Variants in NUBPL observed in about 807,000 individuals in gnomAD.
NUBPL encodes the protein NUBP iron-sulfur cluster assembly factor, mitochondrial, also known as iron-sulfur cluster transfer protein NUBPL.
Under a neutral mutation model 45.7 loss-of-function variants are expected in NUBPL, and 31 were observed. The observed-to-expected ratio is 0.68, with a 90% CI of 0.51 to 0.92. NUBPL has a LOEUF of 0.92. Among genes scored for constraint, NUBPL ranks in the 40% least tolerant of loss-of-function variants. The pLI, the probability that NUBPL is intolerant of heterozygous loss-of-function variation, is 0.00. For synonymous variants in NUBPL, 144 were observed against 140.9 expected (o/e 1.02, Z -0.15); for missense variants, 401 against 398.7 (o/e 1.01, Z -0.05).
At chr14:31,676,010 A>T (rs2036686291) in intron 6 of NUBPL, among the ~76,000 whole-genome samples, 1 of 151,120 alleles carries the variant, frequency 6.6e-6, no homozygotes, top group Admixed American at 6.6e-5. Flanking sequence ...AATGAATAGG[A>T]TTATACAGGA....
chr14:31,840,464 C>G (rs558963461), intron 8 of NUBPL, among the ~76,000 whole-genome samples: 1 of 151,858 alleles, frequency 6.6e-6, no homozygotes, highest in Admixed American at 6.6e-5. Flanking sequence ...GTCCCACCTA[C>G]TGGGGAGGCG....
intron 4 of NUBPL, among the ~76,000 whole-genome samples, chr14:31,609,444 A>C (rs2139594682): frequency 6.6e-6 from 1 of 152,336 alleles, no homozygotes; most frequent in African/African-American, 2.4e-5. Flanking sequence ...TATCAGAGCT[A>C]AAGAAAGAGA....
chr14:31,781,518 G>T (rs1475321572), intron 6 of NUBPL, among the ~76,000 whole-genome samples: 2 of 152,192 alleles, frequency 1.3e-5, no homozygotes, highest in Non-Finnish European at 2.9e-5. Context: ...GGCAGAAAGA[G>T]AAACTTATTT....
chr14:31,834,194 T>G (rs1323424795), intron 8 of NUBPL, among the ~76,000 whole-genome samples: 1 of 147,226 alleles, frequency 6.8e-6, no homozygotes, highest in Non-Finnish European at 1.5e-5. Context: ...TTTTTTTTTT[T>G]TTTTTGAGAC....
intron 6 of NUBPL, among the ~76,000 whole-genome samples, chr14:31,746,422 C>T (rs973118504): frequency 2.6e-5 from 4 of 151,872 alleles, no homozygotes; most frequent in African/African-American, 9.7e-5. Context: ...TTGTTAAATG[C>T]TTTTTCTGTA....
At chr14:31,697,346 A>G (rs1365379310) in intron 6 of NUBPL, among the ~76,000 whole-genome samples, 1 of 152,244 alleles carries the variant, frequency 6.6e-6, no homozygotes, top group Non-Finnish European at 1.5e-5. Flanking sequence ...AGGGGAATGA[A>G]AGATATCAGA....
intron 4 of NUBPL, among the ~76,000 whole-genome samples, chr14:31,625,489 T>C (rs1320614553): frequency 6.6e-6 from 1 of 151,330 alleles, no homozygotes; most frequent in African/African-American, 2.4e-5. Flanking sequence ...TTTTTTTTTT[T>C]TTTGAGAGGG....
intron 6 of NUBPL, among the ~76,000 whole-genome samples, chr14:31,749,472 T>C (rs951115498): frequency 3.9e-5 from 6 of 152,158 alleles, no homozygotes; most frequent in African/African-American, 1.4e-4. Context: ...CTGGGTATAG[T>C]ATTCTTGTTT....
intron 6 of NUBPL, among the ~76,000 whole-genome samples, chr14:31,687,298 A>G (rs2036975924): frequency 6.6e-6 from 1 of 152,248 alleles, no homozygotes; most frequent in African/African-American, 2.4e-5. Context: ...TCTTAGAAAT[A>G]TCAAAAAATT....
chr14:31,733,135 T>C (rs1234877298), intron 6 of NUBPL, among the ~76,000 whole-genome samples: 1 of 152,184 alleles, frequency 6.6e-6, no homozygotes, highest in African/African-American at 2.4e-5. Flanking sequence ...TTTTCCCCCA[T>C]TTAATTGACT....
At chr14:31,855,041 A>C (rs555233726) in intron 10 of NUBPL, among the ~76,000 whole-genome samples, 2 of 152,284 alleles carry the variant, frequency 1.3e-5, no homozygotes, top group East Asian at 3.9e-4. Context: ...AGCCAATTTG[A>C]TTGTTCTGGA....
intron 6 of NUBPL, among the ~76,000 whole-genome samples, chr14:31,743,651 A>G (rs2038333797): frequency 1.3e-5 from 2 of 152,130 alleles, no homozygotes; most frequent in Non-Finnish European, 2.9e-5. Context: ...AAGTGCTGGG[A>G]TTAGAGGAGT....
At chr14:31,640,550 G>A (rs1157057682) in intron 4 of NUBPL, among the ~76,000 whole-genome samples, 2 of 150,372 alleles carry the variant, frequency 1.3e-5, no homozygotes, top group African/African-American at 2.5e-5. Context: ...GGGAGGTGGA[G>A]GTTGCAGTGA....
chr14:31,779,167 C>T (rs773760569), intron 6 of NUBPL, among the ~76,000 whole-genome samples: 1 of 151,700 alleles, frequency 6.6e-6, no homozygotes, highest in Non-Finnish European at 1.5e-5. Context: ...CATGGAGAAA[C>T]CCCATCTCTA....
intron 6 of NUBPL, among the ~76,000 whole-genome samples, chr14:31,714,416 G>C (rs2037641797): frequency 6.6e-6 from 1 of 152,204 alleles, no homozygotes; most frequent in African/African-American, 2.4e-5. Context: ...CTGGCTGATG[G>C]TTCTGCAGGG....
At chr14:31,733,990 G>T (rs1177443580) in intron 6 of NUBPL, among the ~76,000 whole-genome samples, 9 of 151,956 alleles carry the variant, frequency 5.9e-5, no homozygotes, top group Admixed American at 3.9e-4. Context: ...ATTGAATTTT[G>T]TCTAATGATT....
intron 9 of NUBPL, among the ~76,000 whole-genome samples, chr14:31,847,131 A>C (rs765627907): frequency 2.0e-5 from 3 of 152,122 alleles, no homozygotes; most frequent in African/African-American, 2.4e-5. Context: ...CTATAACTTA[A>C]ATTTGAGAAT....
intron 4 of NUBPL, among the ~76,000 whole-genome samples, chr14:31,641,736 G>GT (rs1261187587): frequency 6.6e-6 from 1 of 152,106 alleles, no homozygotes; most frequent in Non-Finnish European, 1.5e-5. Context: ...TCTATTTTTA[G>GT]TTTTTTAAGG....
chr14:31,577,903 C>T (rs1309721703), intron 3 of NUBPL: 35 of 1,222,220 alleles, frequency 2.9e-5, no homozygotes, highest in Middle Eastern at 4.4e-4. Context: ...GTCATTTCCT[C>T]CTCTATTGGT....
Sources: gnomAD v4.1 joint callset for allele counts (sites outside exome capture counted in the v4.1 genomes callset) on GRCh38, gnomAD v4.1.1 for gene constraint, MANE v1.5 for transcripts, NCBI Gene and HGNC (gene_info 2026-07-23, HGNC 2026-07-21) for gene names.